The following MUC22 variants were observed in gnomAD, a reference collection of about 807,000 sequenced individuals.
MUC22 encodes the protein mucin 22, also known as mucin-22.
MUC22 carries 24 observed loss-of-function variants against 40.3 expected under a neutral mutation model. The ratio of observed to expected loss-of-function variants is 0.60; its 90% confidence interval spans 0.43 to 0.84. The LOEUF is 0.84. Among genes scored for constraint, MUC22 ranks in the 40% least tolerant of loss-of-function variants. The pLI is 0.00. For missense variants in MUC22, 1,926 were observed against 2,130.7 expected (o/e 0.90, Z 1.89); for synonymous variants, 765 against 844.5 (o/e 0.91, Z 1.63).
chr6:31,017,240 C>T lies in MUC22; in HGVS notation c.70+6464C>T, dbSNP rs573777216. ...ATCTGCGGCCCAGGTGCGGGATCCA[C>T]TAGGTGAGGCCAGCTGGGCTCCTGA... On this transcript the variant is annotated intron_variant, in intron 1 of 3. Coordinates refer to ENST00000561890, the Ensembl canonical transcript of MUC22. 5.9e-5 allele frequency among the ~76,000 whole-genome samples: 9 copies of T among 152,358 alleles called. No individual in the cohort carries two copies. The South Asian group carries it at 1.7e-3, about 28-fold the overall frequency.
exon 4 of MUC22, chr6:31,034,849 T>C: frequency 6.5e-7 from 1 of 1,535,412 alleles, no homozygotes; most frequent in Non-Finnish European, 8.7e-7. Context: ...CGGCTTTGGA[T>C]ATGGAGTGGG....
intron 1 of MUC22, among the ~76,000 whole-genome samples, chr6:31,014,945 T>C (rs4711252): frequency 0.39 from 58,534 of 151,842 alleles, 11,494 homozygotes; most frequent in East Asian, 0.47. Context: ...GAGAAAGACA[T>C]CAAGGTAGTC....
chr6:31,022,207 C>A (rs1166272839), intron 1 of MUC22, among the ~76,000 whole-genome samples: 1 of 152,196 alleles, frequency 6.6e-6, no homozygotes, highest in Admixed American at 6.5e-5. Context: ...TGGCTTCATT[C>A]TTGAAGTCAG....
chr6:31,011,407 C>T lies in MUC22; in HGVS notation c.70+631C>T, dbSNP rs868640465. 1.3e-5 allele frequency among the ~76,000 whole-genome samples: 2 copies of T among 152,262 alleles called. No individual in the cohort carries two copies. The highest frequency in any genetic ancestry group is 2.4e-5 in the African/African-American group (1 of 41,554). On this transcript the variant is annotated intron_variant, in intron 1 of 3. Transcript: ENST00000561890. This position sits in a 1 kb window ranked among gnomAD's most constrained non-coding sequence, Gnocchi z 4.5. ...TATCATTCTCATGCGTTTGAGTCCT[C>T]ACAGCTTAGCTCCCACCTATCAGTG...
At chr6:31,020,633 C>T (rs1403419232) in intron 1 of MUC22, among the ~76,000 whole-genome samples, 1 of 152,050 alleles carries the variant, frequency 6.6e-6, no homozygotes, top group South Asian at 2.1e-4. Flanking sequence ...ACTTGAGGAG[C>T]CCTTCAGCCC....
At chr6:31,026,564 C>G in exon 2 of MUC22, 2 of 1,501,832 alleles carry the variant, frequency 1.3e-6, no homozygotes, top group Non-Finnish European at 1.8e-6. Context: ...GAGACCACCA[C>G]AAACTCTACT....
upstream of MUC22, among the ~76,000 whole-genome samples, chr6:31,006,552 G>A (rs1280002233): frequency 6.6e-6 from 1 of 152,128 alleles, no homozygotes; most frequent in African/African-American, 2.4e-5. Context: ...AGTAAACCCT[G>A]ACGTCAACGA....
intron 1 of MUC22, among the ~76,000 whole-genome samples, chr6:31,022,144 G>A (rs546357309): frequency 2.6e-5 from 4 of 152,246 alleles, no homozygotes; most frequent in African/African-American, 4.8e-5. Context: ...ATCAGAAGGA[G>A]CAAACTCCAG....
intron 1 of MUC22, among the ~76,000 whole-genome samples, chr6:31,022,983 A>G (rs1470740202): frequency 1.3e-5 from 2 of 152,046 alleles, no homozygotes; most frequent in Non-Finnish European, 2.9e-5. Flanking sequence ...TACAAAAATT[A>G]GCTGGGCGTG....
intron 1 of MUC22, among the ~76,000 whole-genome samples, chr6:31,021,876 T>A (rs1168630710): frequency 1.3e-5 from 2 of 151,062 alleles, no homozygotes. Flanking sequence ...AACTTTGTTC[T>A]TTTGCTCTTT....
intron 1 of MUC22, among the ~76,000 whole-genome samples, chr6:31,022,077 A>G (rs1023866903): frequency 4.6e-5 from 7 of 152,088 alleles, no homozygotes; most frequent in Admixed American, 1.3e-4. Context: ...AGCTTCACTC[A>G]TGAGCCAGCG....
In MUC22 at chr6:31,010,898, T is replaced by C. The variant is rs998981038; in HGVS notation, c.70+122T>C. ...CAGAAACAATGATGATTCATTTTTT[T>C]TTTTTTTTTTTTGCCCATTTCTGCA... is the stretch of plus-strand genomic sequence containing the variant. On this transcript the variant is annotated intron_variant, in intron 1 of 3. Transcript: ENST00000561890. 9.7e-4 allele frequency: 599 copies of C among 616,978 alleles called. 3 individuals are homozygous for C. The African/African-American group carries it at 0.01, about 10-fold the overall frequency. The allele number at this position is 616,978 out of a possible 1,614,324, so 38.2% of individuals were successfully genotyped here.
At chr6:31,024,707 G>C (rs1047414880) in intron 1 of MUC22, among the ~76,000 whole-genome samples, 2 of 152,094 alleles carry the variant, frequency 1.3e-5, no homozygotes, top group Admixed American at 1.3e-4. Flanking sequence ...GGTTAGAAAA[G>C]GTCTCTCTAC....
rs1430960876 is a variant in MUC22 at position 31,028,637 on chromosome 6, C to T, written c.3206C>T (p.Thr1069Ile). Residue 1069 changes from threonine to isoleucine, a missense_variant, in exon 2 of 4, where the codon ACC (threonine) becomes ATC (isoleucine). Thr to Ile is a moderately conservative substitution (Grantham distance 89). Around this residue, in one of 3 missense-constraint regions of MUC22, gnomAD observed 1,281 missense variants for 1,337.8 expected, o/e 0.96. Coordinates refer to ENST00000561890, the Ensembl canonical transcript of MUC22. ...AACTCTGAGACCACCATAGCCTCTACCACAGCCTCTGAGACCACCACAGTC... is the reference window on the plus strand; with the variant it reads ...AACTCTGAGACCACCATAGCCTCTATCACAGCCTCTGAGACCACCACAGTC... 4 of 1,534,910 alleles carry T rather than the reference C, an allele frequency of 2.6e-6. No individual in the cohort carries two copies. The African/African-American group carries it at 5.5e-5, about 21-fold the overall frequency.
At position 31,032,892 on chromosome 6, in the gene MUC22, G is replaced by A. The variant is rs1348842206; in HGVS notation, c.5055+311G>A. Among the ~76,000 whole-genome samples the A allele has an allele frequency of 6.6e-6, 1 of 152,174 alleles. No individual in the cohort carries two copies. The highest frequency in any genetic ancestry group is 6.5e-5 in the Admixed American group (1 of 15,276). Reference sequence around the variant, plus strand: ...TAAAGAAAGCAAGAAGCAGCTGGGCGCAGTGGCTCACCCCTGTAATTCCAG... The same window carrying A: ...TAAAGAAAGCAAGAAGCAGCTGGGCACAGTGGCTCACCCCTGTAATTCCAG... On this transcript the variant is annotated intron_variant, in intron 3 of 3. Transcript: ENST00000561890. The surrounding 1 kb of genome is among the most constrained non-coding windows in gnomAD (Gnocchi z 4.1).
At chr6:31,020,889 A>G (rs1007277079) in intron 1 of MUC22, among the ~76,000 whole-genome samples, 10 of 152,268 alleles carry the variant, frequency 6.6e-5, no homozygotes, top group South Asian at 4.1e-4. Context: ...AGGGTGTACT[A>G]GGTCCCCCAG....
At chr6:31,020,992 C>T (rs112592565) in intron 1 of MUC22, among the ~76,000 whole-genome samples, 227 of 152,344 alleles carry the variant, frequency 1.5e-3, no homozygotes, top group African/African-American at 5.2e-3. Context: ...CCCGCCATGC[C>T]TGAGCCTCCC....
chr6:31,029,517 C>A, exon 2 of MUC22: 1 of 1,534,422 alleles, frequency 6.5e-7, no homozygotes. Context: ...ATATCACAGG[C>A]TCTAAGACTA....
At chr6:31,034,893 C>T (rs752641312) in exon 4 of MUC22, 145 of 1,535,192 alleles carry the variant, frequency 9.4e-5, no homozygotes, top group Admixed American at 3.3e-4. Flanking sequence ...GAGATGGCTA[C>T]GGAGTGAATC....
Sources: allele counts gnomAD v4.1 joint callset (sites outside exome capture counted in the v4.1 genomes callset), GRCh38; gene constraint gnomAD v4.1.1; regional missense constraint gnomAD v4.1.1; non-coding constraint Gnocchi (gnomAD v3.1); transcripts MANE v1.5; gene names NCBI Gene and HGNC (gene_info 2026-07-23, HGNC 2026-07-21).